TAOK1: variants seen among roughly 807,000 people sequenced by gnomAD.
TAOK1 encodes the protein TAO kinase 1, also known as serine/threonine-protein kinase TAO1.
Under a neutral mutation model 138.3 loss-of-function variants are expected in TAOK1, and 21 were observed. The observed-to-expected ratio is 0.15, with a 90% CI of 0.11 to 0.22. The LOEUF is 0.22. Ranked by LOEUF, TAOK1 falls within the 10% of genes least tolerant of loss-of-function variation. The pLI, the probability that TAOK1 is intolerant of heterozygous loss-of-function variation, is 1.00. For missense variants in TAOK1, 651 were observed against 1,227.7 expected (o/e 0.53, Z 7.02); for synonymous variants, 361 against 398.4 (o/e 0.91, Z 1.12).
At chr17:29,426,868 T>A (rs1265220179) in intron 1 of TAOK1, among the ~76,000 whole-genome samples, 1 of 152,204 alleles carries the variant, frequency 6.6e-6, no homozygotes, top group Non-Finnish European at 1.5e-5. Flanking sequence ...TAACTTCTTA[T>A]ATTTTCCTTG....
At chr17:29,499,447 G>A (rs1397898346) in intron 12 of TAOK1, among the ~76,000 whole-genome samples, 11 of 151,630 alleles carry the variant, frequency 7.3e-5, no homozygotes, top group African/African-American at 2.4e-4. Context: ...GGCCAGGCTA[G>A]TCTCAAACTC....
rs893193761 is a variant in TAOK1, at chr17:29,550,426, A to T, written c.*7404A>T. The T allele has an allele frequency of 4.6e-5, 7 of 152,190 alleles. No homozygotes were observed. Among genetic ancestry groups the T allele is most frequent in the African/African-American group, 1.7e-4 (7 of 41,452 alleles). The allele number at this position is 152,190 out of a possible 1,614,324, so 9.4% of individuals were successfully genotyped here. A position where few individuals can be genotyped will look rare whatever the true frequency, so the allele number is the denominator to read the frequency against. ...AGTTTTTTAGCCCACTTAAAACTTA[A>T]GACAACCATTTAAAATAATGGATGG... On this transcript the variant is annotated 3_prime_UTR_variant, in exon 20 of 20. Transcript: ENST00000261716.
intron 9 of TAOK1, among the ~76,000 whole-genome samples, chr17:29,491,219 A>G (rs938898427): frequency 2.0e-5 from 3 of 152,186 alleles, no homozygotes; most frequent in African/African-American, 7.2e-5. Context: ...TCTTGTCAAT[A>G]ACACTATATA....
intron 19 of TAOK1, among the ~76,000 whole-genome samples, chr17:29,538,084 C>T (rs2032254170): frequency 6.8e-6 from 1 of 147,848 alleles, no homozygotes; most frequent in Non-Finnish European, 1.5e-5. Flanking sequence ...TGCACTCCAG[C>T]CTGGCGACAG....
intron 7 of TAOK1, among the ~76,000 whole-genome samples, chr17:29,481,677 G>A (rs555482966): frequency 7.2e-4 from 110 of 152,052 alleles, no homozygotes; most frequent in Non-Finnish European, 1.5e-3. Flanking sequence ...CTCACACTAT[G>A]GGCCAGGTGC....
chr17:29,540,793 C>T (rs915039870), intron 19 of TAOK1, among the ~76,000 whole-genome samples: 1 of 151,460 alleles, frequency 6.6e-6, no homozygotes, highest in Non-Finnish European at 1.5e-5. Context: ...TGGTCTCGAA[C>T]TCCCAACCTC....
intron 17 of TAOK1, among the ~76,000 whole-genome samples, chr17:29,529,451 G>GC (rs2032067017): frequency 6.6e-6 from 1 of 152,112 alleles, no homozygotes; most frequent in Non-Finnish European, 1.5e-5. Context: ...ATATCCAGGA[G>GC]CTGGGTATGG....
At chr17:29,507,844 CGAA>C (rs2031653889) in intron 13 of TAOK1, 49 bp from the exon 14 acceptor site, 27 of 1,524,830 alleles carry the variant, frequency 1.8e-5, no homozygotes, top group Non-Finnish European at 2.3e-5. Flanking sequence ...AAATGCTTTT[CGAA>C]GAAGAATGTT....
In TAOK1 at chr17:29,540,121, A is replaced by G. The variant is rs1035805669; in HGVS notation, c.2545-2440A>G. Among the ~76,000 whole-genome samples, 3 of 152,226 alleles carry G rather than the reference A, an allele frequency of 2.0e-5. No homozygotes were observed. In the South Asian group the frequency reaches 6.2e-4, roughly 31 times the overall value. ...TAAGAAATGTTTGGGAGAAATTACA[A>G]ACAGGCCAGGATGGACTGGAGTAAG... On this transcript the variant is annotated intron_variant, in intron 19 of 19. Transcript: ENST00000261716.
At chr17:29,422,618 C>T (rs1905489281) in intron 1 of TAOK1, among the ~76,000 whole-genome samples, 1 of 152,132 alleles carries the variant, frequency 6.6e-6, no homozygotes, top group African/African-American at 2.4e-5. Context: ...ATAATAATCC[C>T]ATATTTTTAT....
chr17:29,400,402 A>AC (rs1904803498), intron 1 of TAOK1, among the ~76,000 whole-genome samples: 2 of 151,740 alleles, frequency 1.3e-5, no homozygotes, highest in South Asian at 2.1e-4. Context: ...AAAAAAAAAA[A>AC]AAAAAACAAC....
At chr17:29,428,791 ATTT>A (rs5819868) in intron 1 of TAOK1, among the ~76,000 whole-genome samples, 12 of 144,678 alleles carry the variant, frequency 8.3e-5, no homozygotes, top group African/African-American at 2.8e-4. Context: ...ACCTGACTAA[ATTT>A]TTTTTTTTTT....
chr17:29,458,605 T>C (rs1197413673), intron 2 of TAOK1, among the ~76,000 whole-genome samples: 1 of 152,222 alleles, frequency 6.6e-6, no homozygotes, highest in East Asian at 1.9e-4. Context: ...CAAGTGATAC[T>C]CGTGTCTCAG....
At chr17:29,464,261 C>T (rs966330701) in intron 2 of TAOK1, among the ~76,000 whole-genome samples, 5 of 151,298 alleles carry the variant, frequency 3.3e-5, no homozygotes, top group African/African-American at 1.2e-4. Context: ...CGATGAAACC[C>T]CGTCTCTACT....
intron 1 of TAOK1, among the ~76,000 whole-genome samples, chr17:29,430,254 G>T (rs1436471742): frequency 1.3e-5 from 2 of 152,202 alleles, no homozygotes; most frequent in African/African-American, 4.8e-5. Flanking sequence ...GGCTCAAGGA[G>T]CCCAGGTGTA....
At position 29,451,507 on chromosome 17, in the gene TAOK1, G is replaced by A. The variant is rs771838106; in HGVS notation, c.-42G>A. Reference sequence around the variant, plus strand: ...TACAGATGAACCAAGGATCGGGATAGCAGTATAAAATTAGAATCAAGACAG... The same window carrying A: ...TACAGATGAACCAAGGATCGGGATAACAGTATAAAATTAGAATCAAGACAG... On this transcript the variant is annotated 5_prime_UTR_variant, in exon 2 of 20. An upstream open reading frame in the 5' UTR loses its in-frame stop. Transcript: ENST00000261716. The A allele has an allele frequency of 1.3e-6, 2 of 1,579,022 alleles. No individual in the cohort carries two copies. The highest frequency in any genetic ancestry group is 2.7e-5 in the African/African-American group (2 of 73,680).
intron 1 of TAOK1, among the ~76,000 whole-genome samples, chr17:29,411,593 G>A (rs1003586827): frequency 5.3e-5 from 8 of 150,840 alleles, no homozygotes; most frequent in African/African-American, 7.3e-5. Context: ...GTGTTTCACC[G>A]TGTTGGTCAA....
intron 3 of TAOK1, among the ~76,000 whole-genome samples, chr17:29,472,829 G>A (rs1043062981): frequency 1.3e-5 from 2 of 152,148 alleles, no homozygotes; most frequent in Admixed American, 1.3e-4. Flanking sequence ...GCCCGCCTCG[G>A]CCTCCCAAAG....
intron 1 of TAOK1, among the ~76,000 whole-genome samples, chr17:29,394,063 A>G (rs1904510243): frequency 6.6e-6 from 1 of 151,782 alleles, no homozygotes; most frequent in African/African-American, 2.4e-5. Flanking sequence ...TTTTAACAGT[A>G]AGAAAGCAAC....
Sources: gnomAD v4.1 joint callset for allele counts (sites outside exome capture counted in the v4.1 genomes callset) on GRCh38, gnomAD v4.1.1 for gene constraint, MANE v1.5 for transcripts, NCBI Gene and HGNC (gene_info 2026-07-23, HGNC 2026-07-21) for gene names.